Variants in COL27A1 observed in about 807,000 individuals in gnomAD.
The protein encoded by COL27A1 is collagen type XXVII alpha 1 chain.
In COL27A1, 106 loss-of-function variants were observed where a neutral mutation model predicts 251.3. The observed-to-expected ratio is 0.42, with a 90% CI of 0.36 to 0.50. The LOEUF (loss-of-function observed/expected upper bound fraction) is 0.50. COL27A1 is among the 20% of genes least tolerant of loss of function. The pLI is 0.00. For missense variants in COL27A1, 2,325 were observed against 2,522.8 expected, an observed-to-expected ratio of 0.92 and a Z score of 1.68; for synonymous variants, 1,000 against 986.3, an observed-to-expected ratio of 1.01 and a Z score of -0.26.
At chr9:114,197,038 G>A (rs1829188626) in intron 7 of COL27A1, among the ~76,000 whole-genome samples, 1 of 152,206 alleles carries the variant, frequency 6.6e-6, no homozygotes, top group Non-Finnish European at 1.5e-5. Context: ...ACTGAGCCTA[G>A]CATGAAGCCT....
chr9:114,301,867 C>T (rs1034288413), intron 55 of COL27A1, 150 bp downstream of exon 55: 19 of 927,026 alleles, frequency 2.0e-5, no homozygotes, highest in African/African-American at 1.3e-4. Flanking sequence ...GGGCATCCCC[C>T]GAACATTCAC....
At chr9:114,217,354 T>G (rs1002638398) in intron 12 of COL27A1, among the ~76,000 whole-genome samples, 6 of 152,062 alleles carry the variant, frequency 3.9e-5, no homozygotes, top group Admixed American at 6.5e-5. Flanking sequence ...AGCACTCCCT[T>G]TTGGATGGCA....
intron 12 of COL27A1, among the ~76,000 whole-genome samples, chr9:114,216,540 T>A (rs1055138073): frequency 1.3e-5 from 2 of 151,986 alleles, no homozygotes; most frequent in African/African-American, 4.8e-5. Context: ...TGAGGCAAGG[T>A]AGTGGGTGAG....
At chr9:114,288,316 C>G in intron 41 of COL27A1, 139 bp from the exon 42 acceptor site, 1 of 874,838 alleles carries the variant, frequency 1.1e-6, no homozygotes, top group South Asian at 1.4e-5. Context: ...ACACACCTAC[C>G]CTTCCCTCTC....
chr9:114,268,417 A>G (rs1022874587), intron 34 of COL27A1, among the ~76,000 whole-genome samples: 2 of 152,224 alleles, frequency 1.3e-5, no homozygotes, highest in South Asian at 2.1e-4. Flanking sequence ...AAAATTCTCC[A>G]ATGAGAAAGA....
rs1848965662 is a variant in COL27A1 at position 114,167,494 on chromosome 9, C to T, written c.134-195C>T. ...GATTATGCAGCCAGATAAGGGGTCA[C>T]AATCCCTGCCAGATAGTTCCAACGC... On this transcript the variant is annotated intron_variant, in intron 2 of 60. Coordinates refer to ENST00000356083, the MANE Select transcript of COL27A1 (RefSeq NM_032888.4). Among the ~76,000 whole-genome samples, 3 of 152,204 alleles carry T rather than the reference C, an allele frequency of 2.0e-5. No homozygotes were observed. The South Asian group carries it at 6.2e-4, about 31-fold the overall frequency.
At chr9:114,273,165 C>T (rs919387918) in intron 36 of COL27A1, 4 of 151,220 alleles carry the variant, frequency 2.6e-5, no homozygotes, top group Admixed American at 6.6e-5. Flanking sequence ...ACCCGACTAG[C>T]CACCTGGAAC....
intron 49 of COL27A1, 139 bp downstream of exon 49, chr9:114,292,349 C>A: frequency 1.4e-6 from 1 of 704,182 alleles, no homozygotes. Flanking sequence ...TGCTCTGTGA[C>A]AAGGTATAAA....
Position 114,310,959 on chromosome 9 carries a change from C to G in COL27A1, c.*264C>G, listed in dbSNP as rs1829404008. The G allele has an allele frequency of 1.0e-5, 4 of 391,746 alleles. No homozygotes were observed. Among genetic ancestry groups the G allele is most frequent in the Non-Finnish European group, 1.9e-5 (4 of 215,478 alleles). The allele number at this position is 391,746 out of a possible 1,614,324, so 24.3% of individuals were successfully genotyped here. A position where few individuals can be genotyped will look rare whatever the true frequency, so the allele number is the denominator to read the frequency against. ...AGCTGGACCTGCAACCTGCCTGAGC[C>G]CCGTGGCCTCTCAGCTCTGCGGCCA... On this transcript the variant is annotated 3_prime_UTR_variant, in exon 61 of 61. Transcript: ENST00000356083.
At chr9:114,211,067 A>G in intron 12 of COL27A1, 41 bp downstream of exon 12, 1 of 1,606,274 alleles carries the variant, frequency 6.2e-7, no homozygotes, top group Non-Finnish European at 8.5e-7. Flanking sequence ...TCTAGCGGGG[A>G]ACCCCACCTC....
intron 19 of COL27A1, among the ~76,000 whole-genome samples, chr9:114,238,866 G>A (rs1457356684): frequency 6.6e-6 from 1 of 152,208 alleles, no homozygotes; most frequent in African/African-American, 2.4e-5. Context: ...ACAGCCGCAT[G>A]AGGGGGATAT....
At chr9:114,228,947 G>A (rs1048844999) in intron 14 of COL27A1, among the ~76,000 whole-genome samples, 3 of 151,996 alleles carry the variant, frequency 2.0e-5, no homozygotes, top group Non-Finnish European at 2.9e-5. Context: ...TCAGCCTCCC[G>A]AGTAGCTGGT....
chr9:114,235,507 G>A (rs1832316691), intron 16 of COL27A1, 92 bp from the exon 17 acceptor site: 10 of 963,088 alleles, frequency 1.0e-5, no homozygotes, highest in South Asian at 3.9e-5. Flanking sequence ...AAACAGCCTC[G>A]GCACAGCTGT....
At chr9:114,294,001 G>A (rs1828091405) in intron 49 of COL27A1, among the ~76,000 whole-genome samples, 1 of 151,994 alleles carries the variant, frequency 6.6e-6, no homozygotes. Flanking sequence ...CACTTTGGGA[G>A]GCCGAGGTGG....
upstream of COL27A1, among the ~76,000 whole-genome samples, chr9:114,155,147 C>G (rs997866889): frequency 2.6e-5 from 4 of 152,206 alleles, no homozygotes; most frequent in Non-Finnish European, 5.9e-5. The surrounding 1 kb of genome is among the most constrained non-coding windows in gnomAD (Gnocchi z 5.5). Context: ...TCGTGGGCGT[C>G]TGGACACCAA....
chr9:114,170,520 A>G (rs1165147340), intron 3 of COL27A1, among the ~76,000 whole-genome samples: 1 of 152,164 alleles, frequency 6.6e-6, no homozygotes, highest in Non-Finnish European at 1.5e-5. Flanking sequence ...AGGGCTCCCT[A>G]CAATGTGGAG....
At chr9:114,252,555 A>G (rs765501388) in intron 25 of COL27A1, 38 bp from the exon 26 acceptor site, 1 of 1,605,318 alleles carries the variant, frequency 6.2e-7, no homozygotes. Context: ...CCCCACAGCC[A>G]TAGCCGTGAC....
chr9:114,271,056 G>T, intron 36 of COL27A1: 1 of 460,250 alleles, frequency 2.2e-6, no homozygotes, highest in South Asian at 3.3e-5. Context: ...TCTTGGCTAA[G>T]GGTGATTCCT....
At chr9:114,252,803 G>A in intron 26 of COL27A1, 76 bp from the exon 27 acceptor site, 1 of 1,510,492 alleles carries the variant, frequency 6.6e-7, no homozygotes, top group Non-Finnish European at 9.2e-7. Flanking sequence ...TTGCACTGGG[G>A]CTGAGCCGAC....
Sources: allele counts gnomAD v4.1 joint callset (sites outside exome capture counted in the v4.1 genomes callset), GRCh38; gene constraint gnomAD v4.1.1; non-coding constraint Gnocchi (gnomAD v3.1); transcripts MANE v1.5; gene names NCBI Gene and HGNC (gene_info 2026-07-23, HGNC 2026-07-21).